Variants in SYT2 observed in about 807,000 individuals in gnomAD.
The protein encoded by SYT2 is synaptotagmin 2.
A neutral mutation model predicts 39.9 loss-of-function variants in SYT2; 15 were observed. That is an observed-to-expected ratio of 0.38 (90% CI 0.25 to 0.58). The LOEUF is 0.58. Among genes scored for constraint, SYT2 ranks in the 20% least tolerant of loss-of-function variants. SYT2 has a pLI of 0.70. For synonymous variants in SYT2, 181 were observed against 204.5 expected, an observed-to-expected ratio of 0.89 and a Z score of 0.98; for missense variants, 389 against 530.3, an observed-to-expected ratio of 0.73 and a Z score of 2.62.
intron 1 of SYT2, among the ~76,000 whole-genome samples, chr1:202,630,742 GAC>G (rs752812977): frequency 1.3e-5 from 2 of 152,192 alleles, no homozygotes; most frequent in Non-Finnish European, 2.9e-5. Context: ...CCTGGTCCAG[GAC>G]ACCAGAGGCC....
intron 1 of SYT2, among the ~76,000 whole-genome samples, chr1:202,671,245 G>A (rs765118665): frequency 6.6e-5 from 10 of 152,204 alleles, no homozygotes; most frequent in Non-Finnish European, 1.2e-4. Flanking sequence ...GGCAGCCCCT[G>A]ATCTGTCAAG....
At chr1:202,605,574 T>C (rs1690675024) in intron 2 of SYT2, 21 bp downstream of exon 2, 1 of 1,608,004 alleles carries the variant, frequency 6.2e-7, no homozygotes, top group Non-Finnish European at 8.5e-7. Flanking sequence ...CCCCACCCTC[T>C]CAGCCACCAG....
At position 202,594,487 on chromosome 1, in the gene SYT2, G is replaced by A. The variant is rs1270240425; in HGVS notation, c.*2270C>T. 1 of 152,178 alleles carries A rather than the reference G, an allele frequency of 6.6e-6. No individual in the cohort carries two copies. Among genetic ancestry groups the A allele is most frequent in the Non-Finnish European group, 1.5e-5 (1 of 68,072 alleles). The allele number at this position is 152,178 out of a possible 1,614,324, so 9.4% of individuals were successfully genotyped here. On this transcript the variant is annotated 3_prime_UTR_variant, in exon 9 of 9. Coordinates refer to ENST00000367268, the MANE Select transcript of SYT2 (RefSeq NM_177402.5). Reference sequence around the variant, plus strand: ...ATATGGGTGAGAAGAGTGAGTCTGGGGAGAGACCCTGAGAAAGCACCAAAA... The same window carrying A: ...ATATGGGTGAGAAGAGTGAGTCTGGAGAGAGACCCTGAGAAAGCACCAAAA...
rs376291866 is a variant in SYT2 at position 202,591,340 on chromosome 1, GGGCTC to G, written c.*5412_*5416del. On this transcript the variant is annotated 3_prime_UTR_variant, in exon 9 of 9. Coordinates refer to ENST00000367268, the MANE Select transcript of SYT2 (RefSeq NM_177402.5). ...ACAGTTGCCAGGCCTGAGGCATCCT[GGGCTC>G]TTCCCATGCAGTACTGCCCTCAGGT... The G allele has an allele frequency of 1.2e-4, 18 of 151,968 alleles. No individual in the cohort carries two copies. Among genetic ancestry groups the G allele is most frequent in the African/African-American group, 4.3e-4 (18 of 41,524 alleles). 9.4% of individuals were successfully genotyped at this position (151,968 alleles called of 1,614,324 possible).
At chr1:202,604,336 G>T in intron 3 of SYT2, 119 bp downstream of exon 3, 1 of 1,046,262 alleles carries the variant, frequency 9.6e-7, no homozygotes, top group Non-Finnish European at 1.4e-6. Flanking sequence ...AGAGAGCCAA[G>T]TTTTAAGGAG....
At chr1:202,619,358 C>T (rs1046115366) in intron 1 of SYT2, among the ~76,000 whole-genome samples, 10 of 152,012 alleles carry the variant, frequency 6.6e-5, no homozygotes, top group African/African-American at 1.2e-4. Context: ...TGCAGCTGCC[C>T]GGAGAGGGAG....
At chr1:202,598,576 T>C (rs1292910749) in intron 8 of SYT2, among the ~76,000 whole-genome samples, 1 of 124,126 alleles carries the variant, frequency 8.1e-6, no homozygotes, top group Admixed American at 9.8e-5. Flanking sequence ...AGACCAAGAC[T>C]CCATGATAAC....
chr1:202,605,502 C>T (rs1372369232), intron 2 of SYT2, 93 bp downstream of exon 2: 1 of 1,256,370 alleles, frequency 8.0e-7, no homozygotes, highest in Non-Finnish European at 1.1e-6. Context: ...AGGAAAGAGC[C>T]CAGCCAATCA....
At chr1:202,674,330 GACCTCAGTTAATCCGCCC>G (rs1339684403) in intron 1 of SYT2, among the ~76,000 whole-genome samples, 1 of 152,098 alleles carries the variant, frequency 6.6e-6, no homozygotes, top group African/African-American at 2.4e-5. Context: ...TCGAACTCCT[GACCTCAGTTAATCCGCCC>G]ACCTCAGCTT....
chr1:202,599,061 G>A lies in SYT2; in HGVS notation c.1053+157C>T, dbSNP rs1396392901. Among the ~76,000 whole-genome samples the A allele has an allele frequency of 6.6e-6, 1 of 152,144 alleles. No individual in the cohort carries two copies. The highest frequency in any genetic ancestry group is 2.1e-4 in the South Asian group (1 of 4,818). ...AAAGGGGGATCCCTGAAGCACTTGG[G>A]AAGGAGGCCCCACCCAGGCACCATT... On this transcript the variant is annotated intron_variant, in intron 8 of 8. Transcript: ENST00000367268. The surrounding 1 kb of genome is among the most constrained non-coding windows in gnomAD (Gnocchi z 4.4).
intron 1 of SYT2, chr1:202,639,844 C>T (rs960968901): frequency 4.1e-5 from 40 of 985,256 alleles, no homozygotes; most frequent in Admixed American, 6.1e-5. Context: ...TTTGGGGGAT[C>T]GTGTGCATGG....
At chr1:202,629,867 T>TGGGGGGGGGGGGGGGG (rs71281826) in intron 1 of SYT2, among the ~76,000 whole-genome samples, 1 of 39,540 alleles carries the variant, frequency 2.5e-5, no homozygotes, top group Non-Finnish European at 5.2e-5. Context: ...AGGCAGCTGG[T>TGGGGGGGGGGGGGGGG]GGGGGGGGGG....
At chr1:202,671,008 C>A (rs951931560) in intron 1 of SYT2, among the ~76,000 whole-genome samples, 1 of 152,218 alleles carries the variant, frequency 6.6e-6, no homozygotes, top group African/African-American at 2.4e-5. Flanking sequence ...AGGGTTGATA[C>A]AGGCGAGGCC....
In SYT2 at chr1:202,601,642, C is replaced by A. The variant is rs981282866; in HGVS notation, c.801+248G>T. Among the ~76,000 whole-genome samples the A allele has an allele frequency of 6.6e-5, 10 of 152,152 alleles. No homozygotes were observed. The highest frequency in any genetic ancestry group is 2.4e-4 in the African/African-American group (10 of 41,442). On this transcript the variant is annotated intron_variant, in intron 6 of 8. Coordinates refer to ENST00000367268, the MANE Select transcript of SYT2 (RefSeq NM_177402.5). The surrounding 1 kb of genome is among the most constrained non-coding windows in gnomAD (Gnocchi z 4.0). ...TATTTATTTGAGTACCTACCAAATA[C>A]CAGTCGCTGCGCTAGGCGCTTTATG...
chr1:202,695,398 C>A lies in SYT2; in HGVS notation c.-18+14860G>T, dbSNP rs35515445. 2.2e-3 allele frequency among the ~76,000 whole-genome samples: 334 copies of A among 152,326 alleles called. 1 individual carries two copies. The highest frequency in any genetic ancestry group is 3.3e-3 in the Admixed American group (51 of 15,302). ...CCCACAACTTCAAGGAACCCATCTCCAGCCCTTGTTTCTAGGTCTGAAACA... is the reference window on the plus strand; with the variant it reads ...CCCACAACTTCAAGGAACCCATCTCAAGCCCTTGTTTCTAGGTCTGAAACA... On this transcript the variant is annotated intron_variant, in intron 1 of 8. Coordinates refer to ENST00000367268, the MANE Select transcript of SYT2 (RefSeq NM_177402.5).
At chr1:202,665,677 G>A (rs1466276556) in intron 1 of SYT2, among the ~76,000 whole-genome samples, 1 of 152,112 alleles carries the variant, frequency 6.6e-6, no homozygotes, top group African/African-American at 2.4e-5. Flanking sequence ...GATCTCTTGG[G>A]AGGGCCTCGG....
chr1:202,689,161 G>A (rs1389300394), intron 1 of SYT2, among the ~76,000 whole-genome samples: 1 of 152,212 alleles, frequency 6.6e-6, no homozygotes, highest in Admixed American at 6.5e-5. Context: ...AGGGGCTGGT[G>A]TGGCTGGACC....
chr1:202,664,757 T>C (rs1346832572), intron 1 of SYT2, among the ~76,000 whole-genome samples: 1 of 152,204 alleles, frequency 6.6e-6, no homozygotes, highest in Non-Finnish European at 1.5e-5. Flanking sequence ...CCTCCTGAGT[T>C]CAAGCGATTC....
chr1:202,605,526 TC>T, intron 2 of SYT2, 68 bp downstream of exon 2: 1 of 1,451,234 alleles, frequency 6.9e-7, no homozygotes, highest in Non-Finnish European at 9.6e-7. Context: ...CCCAGTGGTA[TC>T]CCCACCCTTC....
Sources: gnomAD v4.1 joint callset for allele counts (sites outside exome capture counted in the v4.1 genomes callset) on GRCh38, gnomAD v4.1.1 for gene constraint, Gnocchi (gnomAD v3.1) non-coding constraint, MANE v1.5 for transcripts, NCBI Gene and HGNC (gene_info 2026-07-23, HGNC 2026-07-21) for gene names.